The following ACE variants were observed in gnomAD, a reference collection of about 807,000 sequenced individuals.
ACE encodes angiotensin-converting enzyme.
In ACE, 122 loss-of-function variants were observed where a neutral mutation model predicts 162.3. The observed-to-expected ratio is 0.75, with a 90% confidence interval of 0.65 to 0.87. The LOEUF is 0.87. Among genes scored for constraint, ACE ranks in the 40% least tolerant of loss-of-function variants. The pLI is 0.00. For missense variants in ACE, 1,799 were observed against 1,735.1 expected (o/e 1.04, Z -0.65); for synonymous variants, 796 against 720.6 (o/e 1.10, Z -1.68).
chr17:63,481,018 C>T (rs1379743084), intron 5 of ACE, 73 bp from the exon 6 acceptor site: 5 of 1,453,700 alleles, frequency 3.4e-6, no homozygotes, highest in Non-Finnish European at 3.9e-6. Flanking sequence ...CCCCAGGGTG[C>T]CACTCAGCGA....
chr17:63,477,914 C>T lies in ACE; in HGVS notation c.250-17C>T, dbSNP rs369072625. 37 of 1,604,660 alleles carry T rather than the reference C, an allele frequency of 2.3e-5. No homozygotes were observed. The highest frequency in any genetic ancestry group is 1.7e-4 in the Middle Eastern group (1 of 6,052). ...AGCAGGGTCCTACACCCTCCCTGCC[C>T]TCCTGGTGCCCAATAGGAGGAAGCA... On this transcript the variant is annotated splice_polypyrimidine_tract_variant and intron_variant, in intron 1 of 24. Coordinates refer to ENST00000290866, the MANE Select transcript of ACE (RefSeq NM_000789.4).
chr17:63,496,049 C>T (rs933424287), intron 22 of ACE: 1 of 374,688 alleles, frequency 2.7e-6, no homozygotes. Flanking sequence ...CTTGCCTCTA[C>T]TTGCATATAC....
At chr17:63,493,885 ACCCTGGGT>A in intron 20 of ACE, 29 bp from the exon 21 acceptor site, 1 of 1,613,958 alleles carries the variant, frequency 6.2e-7, no homozygotes, top group Non-Finnish European at 8.5e-7. Context: ...AGCCGCTAGG[ACCCTGGGT>A]CTGACAGCTG....
In ACE at chr17:63,497,798, GC is replaced by G. The variant is rs2030866375; in HGVS notation, c.*435del. 8.4e-6 allele frequency: 3 copies of G among 355,702 alleles called. No homozygotes were observed. In the Admixed American group the frequency reaches 1.3e-4, roughly 15 times the overall value. 22.0% of individuals were successfully genotyped at this position (355,702 alleles called of 1,614,324 possible). ...GGCGCTGGCGCCTGTCTTCCCTCCAGCCCAGGCAGCCCGCCACTGTCCTGCC... is the reference window on the plus strand; with the variant it reads ...GGCGCTGGCGCCTGTCTTCCCTCCAGCCAGGCAGCCCGCCACTGTCCTGCC... On this transcript the variant is annotated 3_prime_UTR_variant, in exon 25 of 25. Coordinates refer to ENST00000290866, the MANE Select transcript of ACE (RefSeq NM_000789.4).
Position 63,496,428 on chromosome 17 carries a change from C to T in ACE, c.3415C>T (p.His1139Tyr), listed in dbSNP as rs1281978641. ...CAGCTTCATCATCCAGTTCCAGTTC[C>T]ACGAGGCACTGTGCCAGGCAGCTGG... is the stretch of plus-strand genomic sequence containing the variant. ...FVSFIIQFQFHEALCQAAGHT... is the reference protein window; with the variant it reads ...FVSFIIQFQFYEALCQAAGHT... The change falls in exon 23 of 25, where the codon CAC (histidine) becomes TAC (tyrosine). Residue 1139 changes from histidine to tyrosine, a missense_variant. Transcript: ENST00000290866. The T allele has an allele frequency of 6.2e-7, 1 of 1,614,236 alleles. No individual in the cohort carries two copies. The highest frequency in any genetic ancestry group is 1.3e-5 in the African/African-American group (1 of 75,074).
At position 63,477,335 on chromosome 17, in the gene ACE, A is replaced by C. The variant is rs1435418712; in HGVS notation, c.241A>C (p.Arg81=). 1.6e-6 allele frequency: 2 copies of C among 1,279,988 alleles called. No individual in the cohort carries two copies. The highest frequency in any genetic ancestry group is 1.0e-6 in the Non-Finnish European group (1 of 996,910). 79.3% of individuals were successfully genotyped at this position (1,279,988 alleles called of 1,614,324 possible). A position where few individuals can be genotyped will look rare whatever the true frequency, so the allele number is the denominator to read the frequency against. ...HDTNITAENA[R]RQEEAALLSQ... ...CACCAACATCACCGCGGAGAATGCA[A>C]GGCGCCAGGTGGGCGCCCGGGCCCG... The change falls in exon 1 of 25, where the codon AGG becomes CGG. Residue 81 remains arginine, a synonymous_variant. Transcript: ENST00000290866.
rs746469812 is a variant in ACE, at chr17:63,479,012, C to G, written c.423C>G (p.Asn141Lys). The G allele has an allele frequency of 1.9e-6, 3 of 1,613,326 alleles. No homozygotes were observed. Among genetic ancestry groups the G allele is most frequent in the Non-Finnish European group, 2.5e-6 (3 of 1,179,784 alleles). ...NLPLAKRQQY[N>K]ALLSNMSRIY... ...CCTCCCCTCTGACTCCCCAGTACAACGCCCTGCTAAGCAACATGAGCAGGA... is the reference window on the plus strand; with the variant it reads ...CCTCCCCTCTGACTCCCCAGTACAAGGCCCTGCTAAGCAACATGAGCAGGA... Residue 141 changes from asparagine (N) to lysine (K), a missense_variant, in exon 3 of 25, where the codon AAC becomes AAG. Transcript: ENST00000290866.
intron 19 of ACE, among the ~76,000 whole-genome samples, chr17:63,492,296 T>C (rs1276844897): frequency 6.6e-6 from 1 of 152,230 alleles, no homozygotes; most frequent in African/African-American, 2.4e-5. Context: ...TGCCATGTTT[T>C]ATTGGCTAGA....
At position 63,489,068 on chromosome 17, in the gene ACE, C is replaced by T; in HGVS notation, c.2577C>T (p.Ala859=). Residue 859 remains alanine (A), a synonymous_variant, in exon 17 of 25, where the codon GCC becomes GCT. Transcript: ENST00000290866. ...ACCTGCATGCCTACGTGCGCCGGGC[C>T]CTGCACCGTCACTACGGGGCCCAGC... ...YLNLHAYVRR[A]LHRHYGAQHI... is the part of the protein sequence containing the mutation. The T allele has an allele frequency of 6.2e-7, 1 of 1,613,988 alleles. No homozygotes were observed. Among genetic ancestry groups the T allele is most frequent in the Non-Finnish European group, 8.5e-7 (1 of 1,180,040 alleles).
Position 63,484,529 on chromosome 17 carries a change from C to T in ACE, c.1909C>T (p.Pro637Ser). Reference protein sequence around the residue: ...QWHPPLPDNYPEGIDLVTDEA... With the variant: ...QWHPPLPDNYSEGIDLVTDEA... ...GCACCCGCCGTTGCCTGACAACTAC[C>T]CGGAGGGCATAGGTAAAGCCCTGAG... Residue 637 changes from proline (P) to serine (S), a missense_variant, in exon 12 of 25, where the codon CCG becomes TCG. Coordinates refer to ENST00000290866, the MANE Select transcript of ACE (RefSeq NM_000789.4). This position sits in a 1 kb window ranked among gnomAD's most constrained non-coding sequence, Gnocchi z 4.0. 1 of 1,611,560 alleles carries T rather than the reference C, an allele frequency of 6.2e-7. No individual in the cohort carries two copies. The highest frequency in any genetic ancestry group is 8.5e-7 in the Non-Finnish European group (1 of 1,179,662).
intron 6 of ACE, 42 bp downstream of exon 6, chr17:63,481,230 T>TGGGGGGGGGCGGGGGG: frequency 1.9e-6 from 1 of 526,752 alleles, no homozygotes; most frequent in Non-Finnish European, 3.4e-6. Flanking sequence ...GGGTCGGGGG[T>TGGGGGGGGGCGGGGGG]GGGGCGCAAA....
At position 63,481,727 on chromosome 17, in the gene ACE, G is replaced by A; in HGVS notation, c.1107G>A (p.Arg369=). The change falls in exon 7 of 25, where the codon AGG becomes AGA. Residue 369 remains arginine, a synonymous_variant. Transcript: ENST00000290866. The stretch of plus-strand genomic sequence containing the variant: ...CCTCGGCTTGGGACTTCTACAACAG[G>A]AAAGACTTCAGGTTCAGACATGGGA... ...CHASAWDFYN[R]KDFRIKQCTR... The A allele has an allele frequency of 6.2e-7, 1 of 1,614,142 alleles. No individual in the cohort carries two copies. Among genetic ancestry groups the A allele is most frequent in the Non-Finnish European group, 8.5e-7 (1 of 1,180,024 alleles).
At position 63,477,125 on chromosome 17, in the gene ACE, G is replaced by C. The variant is rs1405957884; in HGVS notation, c.31G>C (p.Gly11Arg). The change falls in exon 1 of 25, where the codon GGG becomes CGG. Residue 11 changes from glycine (G) to arginine (R), a missense_variant. Physicochemically the swap from Gly to Arg is moderately radical, Grantham distance 125. Coordinates refer to ENST00000290866, the MANE Select transcript of ACE (RefSeq NM_000789.4). MGAASGRRGP[G>R]LLLPLPLLLL... Reference sequence around the variant, plus strand: ...GGCCGCCTCGGGCCGCCGGGGGCCGGGGCTGCTGCTGCCGCTGCCGCTGCT... The same window carrying C: ...GGCCGCCTCGGGCCGCCGGGGGCCGCGGCTGCTGCTGCCGCTGCCGCTGCT... The C allele has an allele frequency of 7.2e-7, 1 of 1,398,242 alleles. No individual in the cohort carries two copies. The highest frequency in any genetic ancestry group is 1.6e-5 in the South Asian group (1 of 64,138). 86.6% of individuals were successfully genotyped at this position (1,398,242 alleles called of 1,614,324 possible). A position where few individuals can be genotyped will look rare whatever the true frequency, so the allele number is the denominator to read the frequency against.
intron 14 of ACE, 53 bp from the exon 15 acceptor site, chr17:63,486,933 A>G: frequency 2.6e-6 from 4 of 1,550,414 alleles, no homozygotes; most frequent in Non-Finnish European, 3.6e-6. Flanking sequence ...TGCAGGCCCC[A>G]GAGAGACCAA....
At chr17:63,483,825 C>T in intron 10 of ACE, 24 bp from the exon 11 acceptor site, 1 of 1,613,844 alleles carries the variant, frequency 6.2e-7, no homozygotes, top group Non-Finnish European at 8.5e-7. Flanking sequence ...ATGATCTTCC[C>T]TGACTCCCAC....
rs374150641 is a variant in ACE, at chr17:63,494,615, C to T, written c.3380+145C>T. The T allele has an allele frequency of 6.2e-5, 45 of 720,598 alleles. No homozygotes were observed. The East Asian group carries it at 9.2e-4, about 15-fold the overall frequency. The allele number at this position is 720,598 out of a possible 1,614,324, so 44.6% of individuals were successfully genotyped here. On this transcript the variant is annotated intron_variant, in intron 22 of 24. Transcript: ENST00000290866. ...CGCACGGTGCAGGTGCCTGGGCCCA[C>T]TCACACTGCCAAGGCTGATGGGTTT...
In ACE at chr17:63,480,396, G is replaced by C; in HGVS notation, c.715G>C (p.Asp239His). The C allele has an allele frequency of 6.2e-7, 1 of 1,614,094 alleles. No homozygotes were observed. Among genetic ancestry groups the C allele is most frequent in the Non-Finnish European group, 8.5e-7 (1 of 1,180,032 alleles). The change falls in exon 5 of 25, where the codon GAT becomes CAT. Residue 239 changes from aspartate (D) to histidine (H), a missense_variant. Coordinates refer to ENST00000290866, the MANE Select transcript of ACE (RefSeq NM_000789.4). ...GTACAACTCCCCCACCTTCGAGGACGATCTGGAACACCTCTACCAACAGCT... is the reference window on the plus strand; with the variant it reads ...GTACAACTCCCCCACCTTCGAGGACCATCTGGAACACCTCTACCAACAGCT... ...SWYNSPTFED[D>H]LEHLYQQLEP...
rs1276992266 is a variant in ACE at position 63,494,229 on chromosome 17, G to A, written c.3282-143G>A. The stretch of plus-strand genomic sequence containing the variant: ...GTGTAAGTGATGGGGAAAACGGGGT[G>A]ATTGTGCACAGAGGCCCAGCACGCA... On this transcript the variant is annotated intron_variant, in intron 21 of 24. Transcript: ENST00000290866. 6.4e-6 allele frequency: 8 copies of A among 1,258,234 alleles called. No individual in the cohort carries two copies. In the South Asian group the frequency reaches 8.9e-5, roughly 14 times the overall value. The allele number at this position is 1,258,234 out of a possible 1,614,324, so 77.9% of individuals were successfully genotyped here.
chr17:63,482,659 G>T lies in ACE; in HGVS notation c.1312G>T (p.Gly438Cys), dbSNP rs1051245483. ...VSTPEHLHKI[G>C]LLDRVTNDTE... ...CACTCCTGAACATCTGCACAAAATC[G>T]GCCTGCTGGACCGTGTCACCAATGA... Residue 438 changes from glycine to cysteine, a missense_variant, in exon 8 of 25, where the codon GGC (glycine) becomes TGC (cysteine). By Grantham distance (159) the Gly-to-Cys change is radical (BLOSUM62 -3). Transcript: ENST00000290866. The T allele has an allele frequency of 1.9e-6, 3 of 1,613,752 alleles. No homozygotes were observed. The highest frequency in any genetic ancestry group is 2.5e-6 in the Non-Finnish European group (3 of 1,179,962).
Sources: gnomAD v4.1 joint callset for allele counts (sites outside exome capture counted in the v4.1 genomes callset) on GRCh38, gnomAD v4.1.1 for gene constraint, Gnocchi (gnomAD v3.1) non-coding constraint, MANE v1.5 for transcripts, NCBI Gene and HGNC (gene_info 2026-07-23, HGNC 2026-07-21) for gene names.